PPP1R9A: variants seen among roughly 807,000 people sequenced by gnomAD.
PPP1R9A encodes the protein neurabin-1.
In PPP1R9A, 59 loss-of-function variants were observed where a neutral mutation model predicts 141.9. The observed-to-expected ratio is 0.42, with a 90% confidence interval of 0.34 to 0.52. The LOEUF (loss-of-function observed/expected upper bound fraction) is 0.52, where lower values mean the gene tolerates loss of function less well. PPP1R9A is among the 20% of genes least tolerant of loss of function. The pLI, the probability that PPP1R9A is intolerant of heterozygous loss-of-function variation, is 0.10. For missense variants in PPP1R9A, 1,444 were observed against 1,611.9 expected (o/e 0.90, Z 1.78); for synonymous variants, 500 against 569.7 (o/e 0.88, Z 1.74).
At chr7:95,170,204 G>A (rs1831898131) in intron 5 of PPP1R9A, among the ~76,000 whole-genome samples, 2 of 151,498 alleles carry the variant, frequency 1.3e-5, no homozygotes, top group Admixed American at 1.3e-4. Context: ...ATAAAAGACA[G>A]GAAAGGATGA....
rs147308511 is a variant in PPP1R9A, at chr7:95,172,048, T to C, written c.1754+10077T>C. ...AAAGTCATTTGTTCTTCTCAATAGA[T>C]GTAGATTTTTTTAAAAAAGCTCTCA... is the stretch of plus-strand genomic sequence containing the variant. On this transcript the variant is annotated intron_variant, in intron 5 of 19. Transcript: ENST00000433360. Among the ~76,000 whole-genome samples, 1,319 of 151,784 alleles carry C rather than the reference T, an allele frequency of 8.7e-3. 11 individuals are homozygous for C. The highest frequency in any genetic ancestry group is 0.016 in the African/African-American group (662 of 41,506).
chr7:94,926,292 T>A (rs1443125856), intron 2 of PPP1R9A, among the ~76,000 whole-genome samples: 1 of 152,186 alleles, frequency 6.6e-6, no homozygotes, highest in Non-Finnish European at 1.5e-5. Context: ...GAAATCTCAA[T>A]CTATTGCCCT....
At chr7:95,210,020 T>C (rs533197715) in intron 7 of PPP1R9A, among the ~76,000 whole-genome samples, 7 of 152,154 alleles carry the variant, frequency 4.6e-5, no homozygotes, top group Non-Finnish European at 8.8e-5. Flanking sequence ...CAGTGTGACA[T>C]TTGAATTATA....
chr7:95,191,791 C>A (rs146555124), intron 5 of PPP1R9A, among the ~76,000 whole-genome samples: 55 of 152,064 alleles, frequency 3.6e-4, no homozygotes, highest in Admixed American at 1.3e-3. Flanking sequence ...TACTATCACA[C>A]ATTATTTTTG....
Position 95,061,752 on chromosome 7 carries a change from T to C in PPP1R9A, c.1396-49507T>C, listed in dbSNP as rs148880226. Among the ~76,000 whole-genome samples, 24 of 152,092 alleles carry C rather than the reference T, an allele frequency of 1.6e-4. No homozygotes were observed. In the East Asian group the frequency reaches 4.3e-3, roughly 27 times the overall value. ...CCTGTGTCGAATGAATGAATGAAAA[T>C]AAAGAGCCATGGCTTTGTCTGTGTT... On this transcript the variant is annotated intron_variant, in intron 2 of 19. Coordinates refer to ENST00000433360, the MANE Select transcript of PPP1R9A (RefSeq NM_001166160.2).
chr7:95,018,927 G>A (rs11981513), intron 2 of PPP1R9A, among the ~76,000 whole-genome samples: 78,688 of 151,932 alleles, frequency 0.52, 20,988 homozygotes, highest in African/African-American at 0.6. Flanking sequence ...GACCCTTCAT[G>A]GTTCTTGACA....
intron 6 of PPP1R9A, among the ~76,000 whole-genome samples, chr7:95,199,833 C>T (rs922184980): frequency 6.6e-6 from 1 of 152,092 alleles, no homozygotes; most frequent in African/African-American, 2.4e-5. Flanking sequence ...CAATTCTTTA[C>T]ATTAGTATTT....
At chr7:94,920,464 T>C (rs1044448880) in intron 2 of PPP1R9A, among the ~76,000 whole-genome samples, 15 of 152,132 alleles carry the variant, frequency 9.9e-5, no homozygotes, top group African/African-American at 3.6e-4. Flanking sequence ...TATGAAGATA[T>C]CAGGAAATTT....
intron 5 of PPP1R9A, among the ~76,000 whole-genome samples, chr7:95,191,519 T>TTA (rs1320456476): frequency 6.6e-6 from 1 of 152,148 alleles, no homozygotes; most frequent in Non-Finnish European, 1.5e-5. Context: ...ATATTATTGT[T>TTA]AACTAGAGTC....
At chr7:94,926,564 AAAGTTAT>A (rs1341412931) in intron 2 of PPP1R9A, among the ~76,000 whole-genome samples, 3 of 152,220 alleles carry the variant, frequency 2.0e-5, no homozygotes, top group African/African-American at 7.2e-5. Context: ...TCTGAAAATG[AAAGTTAT>A]CAAAAATTTA....
intron 18 of PPP1R9A, among the ~76,000 whole-genome samples, chr7:95,287,539 C>A (rs1202982211): frequency 2.0e-5 from 3 of 152,112 alleles, no homozygotes; most frequent in African/African-American, 7.2e-5. Context: ...GTCTAGGAAC[C>A]AACCTGTCCC....
intron 14 of PPP1R9A, among the ~76,000 whole-genome samples, chr7:95,273,590 A>G (rs1004603073): frequency 9.2e-5 from 14 of 152,218 alleles, no homozygotes; most frequent in African/African-American, 3.4e-4. Context: ...AACAAAAGTC[A>G]TGTTGGTCCC....
chr7:94,992,543 A>G (rs1370176506), intron 2 of PPP1R9A, among the ~76,000 whole-genome samples: 1 of 152,222 alleles, frequency 6.6e-6, no homozygotes, highest in Non-Finnish European at 1.5e-5. Context: ...AGAAACTGCC[A>G]AACTGTTTTT....
At chr7:95,157,137 A>G (rs570640036) in intron 4 of PPP1R9A, among the ~76,000 whole-genome samples, 10 of 152,254 alleles carry the variant, frequency 6.6e-5, no homozygotes, top group African/African-American at 2.2e-4. Context: ...TTCATGGCAC[A>G]TGGGCTTGAC....
chr7:95,074,541 C>A (rs190347794), intron 2 of PPP1R9A, among the ~76,000 whole-genome samples: 149 of 149,136 alleles, frequency 1.0e-3, no homozygotes, highest in Non-Finnish European at 1.7e-3. Context: ...ATGGCGCGAT[C>A]TTGGCTCACC....
rs181672414 is a variant in PPP1R9A, at chr7:95,162,682, A to G, written c.1754+711A>G. Among the ~76,000 whole-genome samples the G allele has an allele frequency of 4.6e-5, 7 of 152,340 alleles. No homozygotes were observed. The East Asian group carries it at 1.2e-3, about 25-fold the overall frequency. ...AAGAAACATTAAGGAAACATTATTT[A>G]GTATGTGTAATGATGAAAATGGTTG... On this transcript the variant is annotated intron_variant, in intron 5 of 19. Transcript: ENST00000433360.
At chr7:95,050,762 G>A (rs1371442552) in intron 2 of PPP1R9A, among the ~76,000 whole-genome samples, 3 of 152,076 alleles carry the variant, frequency 2.0e-5, no homozygotes, top group Non-Finnish European at 4.4e-5. Flanking sequence ...GCAGGCTATA[G>A]GAGAAGATAG....
At position 95,089,027 on chromosome 7, in the gene PPP1R9A, C is replaced by A. The variant is rs553326316; in HGVS notation, c.1396-22232C>A. 6.2e-4 allele frequency among the ~76,000 whole-genome samples: 95 copies of A among 152,102 alleles called. 2 individuals carry two copies. The highest frequency in any genetic ancestry group is 2.2e-3 in the African/African-American group (91 of 41,410). ...AAAAAGGTCAACTTACTTAAGATAA[C>A]ACAAGTGGAAGAGCAGATCTTCTGA... On this transcript the variant is annotated intron_variant, in intron 2 of 19. Transcript: ENST00000433360.
Position 94,976,533 on chromosome 7 carries a change from G to T in PPP1R9A, c.1395+65025G>T, listed in dbSNP as rs185210024. 3.8e-3 allele frequency among the ~76,000 whole-genome samples: 583 copies of T among 151,894 alleles called. 22 individuals are homozygous for T. The highest frequency in any genetic ancestry group is 0.034 in the East Asian group (176 of 5,154). ...TTTTTTATATTTTTAGTGGAGACGG[G>T]GTTTCAGTGTGTTAGCCAGGATGGT... On this transcript the variant is annotated intron_variant, in intron 2 of 19. Transcript: ENST00000433360.
Sources: gnomAD v4.1 joint callset for allele counts (sites outside exome capture counted in the v4.1 genomes callset) on GRCh38, gnomAD v4.1.1 for gene constraint, MANE v1.5 for transcripts, NCBI Gene and HGNC (gene_info 2026-07-23, HGNC 2026-07-21) for gene names.